The following LRP1B variants were observed in gnomAD, a reference collection of about 807,000 sequenced individuals.
LRP1B encodes low-density lipoprotein receptor-related protein 1B.
A neutral mutation model predicts 556.6 loss-of-function variants in LRP1B; 217 were observed. The ratio of observed to expected loss-of-function variants is 0.39; its 90% CI spans 0.35 to 0.44. The LOEUF (loss-of-function observed/expected upper bound fraction) is 0.44, where lower values mean the gene tolerates loss of function less well. Among genes scored for constraint, LRP1B ranks in the 20% least tolerant of loss-of-function variants. The probability of loss-of-function intolerance (pLI) is 1.00; values close to 1 mark genes in which losing one functional copy is unlikely to be tolerated. For missense variants in LRP1B, 5,053 were observed against 5,620.8 expected, an observed-to-expected ratio of 0.90 and a Z score of 3.23; for synonymous variants, 2,047 against 1,865.8, an observed-to-expected ratio of 1.10 and a Z score of -2.50.
At chr2:140,519,964 A>G (rs543659433) in intron 49 of LRP1B, among the ~76,000 whole-genome samples, 4 of 152,286 alleles carry the variant, frequency 2.6e-5, no homozygotes, top group African/African-American at 9.6e-5. Context: ...TCAGGAAACA[A>G]CAGGTGCTGG....
intron 2 of LRP1B, among the ~76,000 whole-genome samples, chr2:141,692,728 C>G (rs1574249397): frequency 6.6e-6 from 1 of 151,990 alleles, no homozygotes; most frequent in Admixed American, 6.6e-5. Context: ...ATAGATGGTG[C>G]AGCCTACTAC....
intron 3 of LRP1B, among the ~76,000 whole-genome samples, chr2:141,406,919 C>A (rs1212613660): frequency 2.0e-5 from 3 of 152,070 alleles, no homozygotes; most frequent in Admixed American, 6.6e-5. Flanking sequence ...TATACAAAAT[C>A]TTTGCATTTG....
chr2:140,840,140 G>A (rs1416671929), intron 30 of LRP1B, 55 bp from the exon 31 acceptor site: 2 of 972,752 alleles, frequency 2.1e-6, no homozygotes, highest in African/African-American at 3.3e-5. Context: ...TACTCACTGA[G>A]AAGAAATATA....
At chr2:140,380,602 C>G (rs905629134) in intron 67 of LRP1B, among the ~76,000 whole-genome samples, 1 of 152,070 alleles carries the variant, frequency 6.6e-6, no homozygotes, top group Admixed American at 6.6e-5. Flanking sequence ...ACATGTCGTG[C>G]TTACATGTTT....
chr2:140,634,255 T>TA (rs1683995517), intron 41 of LRP1B, among the ~76,000 whole-genome samples: 1 of 152,142 alleles, frequency 6.6e-6, no homozygotes, highest in Non-Finnish European at 1.5e-5. Flanking sequence ...CCATTTATGA[T>TA]AAAAATCTCT....
At chr2:141,099,577 G>A (rs1396340591) in intron 7 of LRP1B, among the ~76,000 whole-genome samples, 1 of 152,114 alleles carries the variant, frequency 6.6e-6, no homozygotes, top group African/African-American at 2.4e-5. Flanking sequence ...GCACATCTCT[G>A]CACACTTGCA....
At chr2:140,777,746 C>A (rs568781097) in intron 32 of LRP1B, among the ~76,000 whole-genome samples, 7 of 151,884 alleles carry the variant, frequency 4.6e-5, no homozygotes, top group African/African-American at 1.7e-4. Context: ...TACATATACC[C>A]CTCAAGAAAG....
intron 41 of LRP1B, among the ~76,000 whole-genome samples, chr2:140,625,171 G>A (rs556374964): frequency 2.0e-5 from 3 of 152,196 alleles, no homozygotes; most frequent in African/African-American, 7.2e-5. Flanking sequence ...GGTAGAAGCA[G>A]GTCAACTGGA....
intron 1 of LRP1B, among the ~76,000 whole-genome samples, chr2:141,929,023 G>A (rs1448239821): frequency 6.6e-6 from 1 of 152,020 alleles, no homozygotes; most frequent in East Asian, 1.9e-4. Context: ...AGGGTCTGTG[G>A]TTTGATTCAT....
chr2:140,460,003 AT>A (rs1346324242), intron 60 of LRP1B, among the ~76,000 whole-genome samples: 1 of 152,068 alleles, frequency 6.6e-6, no homozygotes, highest in Non-Finnish European at 1.5e-5. Context: ...TCAATTAAAC[AT>A]TTTTTTCTTT....
intron 2 of LRP1B, among the ~76,000 whole-genome samples, chr2:141,715,937 C>T (rs1012468051): frequency 6.6e-6 from 1 of 152,088 alleles, no homozygotes; most frequent in Admixed American, 6.6e-5. Flanking sequence ...ACAAGTTTAC[C>T]TTTTTGTATG....
intron 3 of LRP1B, among the ~76,000 whole-genome samples, chr2:141,424,113 C>CTTTTTTTTT (rs11465120): frequency 7.3e-6 from 1 of 137,004 alleles, no homozygotes; most frequent in Non-Finnish European, 1.5e-5. Flanking sequence ...AAGCCTTCAT[C>CTTTTTTTTT]TTTTTTTTTT....
At chr2:140,607,201 T>G (rs909103703) in intron 41 of LRP1B, among the ~76,000 whole-genome samples, 5 of 152,092 alleles carry the variant, frequency 3.3e-5, no homozygotes, top group African/African-American at 9.7e-5. Context: ...CTCAACACTA[T>G]TAGACATCAA....
chr2:140,717,486 CAG>C (rs1057304950), intron 35 of LRP1B, among the ~76,000 whole-genome samples: 1 of 151,990 alleles, frequency 6.6e-6, no homozygotes, highest in African/African-American at 2.4e-5. Context: ...TATGTGATCA[CAG>C]AGTCTTTATA....
chr2:141,472,398 A>T (rs79927883), intron 3 of LRP1B, among the ~76,000 whole-genome samples: 66,703 of 151,720 alleles, frequency 0.44, 14,973 homozygotes, highest in Non-Finnish European at 0.49. Flanking sequence ...AAATTAGCCA[A>T]ACGTGGTACT....
intron 16 of LRP1B, among the ~76,000 whole-genome samples, chr2:140,989,964 G>T (rs1418976238): frequency 1.3e-5 from 2 of 152,066 alleles, no homozygotes; most frequent in African/African-American, 4.8e-5. Context: ...CCAGCATTTT[G>T]GGAGGCTGAG....
chr2:142,064,488 T>C (rs566554581), intron 1 of LRP1B, among the ~76,000 whole-genome samples: 2 of 151,692 alleles, frequency 1.3e-5, no homozygotes, highest in South Asian at 2.1e-4. Context: ...AGTGAATCTA[T>C]GTTTTGACTC....
chr2:141,760,936 T>C (rs1694521819), intron 2 of LRP1B, among the ~76,000 whole-genome samples: 1 of 152,182 alleles, frequency 6.6e-6, no homozygotes, highest in Non-Finnish European at 1.5e-5. Flanking sequence ...ATCTTTCAAT[T>C]ACCCTAAAAA....
At chr2:141,672,274 G>C (rs1045846102) in intron 2 of LRP1B, among the ~76,000 whole-genome samples, 1 of 152,088 alleles carries the variant, frequency 6.6e-6, no homozygotes, top group Non-Finnish European at 1.5e-5. Context: ...ATTTGAGGAA[G>C]AGTTGCGCTC....
Sources: allele counts gnomAD v4.1 joint callset (sites outside exome capture counted in the v4.1 genomes callset), GRCh38; gene constraint gnomAD v4.1.1; transcripts MANE v1.5; gene names NCBI Gene and HGNC (gene_info 2026-07-23, HGNC 2026-07-21).